Variants in RELN observed in about 807,000 individuals in gnomAD.
RELN encodes reelin.
Under a neutral mutation model 427.6 loss-of-function variants are expected in RELN, and 108 were observed. The ratio of observed to expected loss-of-function variants is 0.25; its 90% CI spans 0.22 to 0.30. RELN has a LOEUF of 0.30. RELN is among the 10% of genes least tolerant of loss of function. The pLI is 1.00. For missense variants in RELN, 3,715 were observed against 4,302.8 expected (o/e 0.86, Z 3.82); for synonymous variants, 1,524 against 1,513.4 (o/e 1.01, Z -0.16).
chr7:103,712,064 G>T (rs4729928), intron 8 of RELN, among the ~76,000 whole-genome samples: 1,541 of 152,184 alleles, frequency 0.01, 45 homozygotes, highest in Admixed American at 0.064. Context: ...AACTTCCAAG[G>T]CTTGCTAACT....
chr7:103,861,187 T>A (rs888667829), intron 2 of RELN, among the ~76,000 whole-genome samples: 6 of 152,184 alleles, frequency 3.9e-5, no homozygotes, highest in African/African-American at 1.4e-4. Context: ...TAGAAGTTGG[T>A]GTTAAACTAC....
At chr7:103,655,223 T>A (rs1833001118) in intron 12 of RELN, among the ~76,000 whole-genome samples, 1 of 152,070 alleles carries the variant, frequency 6.6e-6, no homozygotes, top group Non-Finnish European at 1.5e-5. Flanking sequence ...TTATCCTTCA[T>A]AATAGTACCA....
intron 16 of RELN, 109 bp downstream of exon 16, chr7:103,650,165 G>T: frequency 1.3e-6 from 1 of 762,558 alleles, no homozygotes. Flanking sequence ...GGTGTTTAAT[G>T]AATTGCAAGA....
At chr7:103,575,949 C>T (rs1462788537) in intron 28 of RELN, among the ~76,000 whole-genome samples, 1 of 152,072 alleles carries the variant, frequency 6.6e-6, no homozygotes, top group African/African-American at 2.4e-5. Flanking sequence ...GTGATCTCAG[C>T]TCCCTGTAAC....
intron 57 of RELN, among the ~76,000 whole-genome samples, chr7:103,494,645 A>G (rs11979750): frequency 0.038 from 5,690 of 151,332 alleles, 165 homozygotes; most frequent in South Asian, 0.14. Context: ...TGGCCTCCCA[A>G]AGTGCTGGGA....
Position 103,776,619 on chromosome 7 carries a change from G to C in RELN, c.482C>G (p.Ala161Gly). 1.2e-6 allele frequency: 2 copies of C among 1,614,050 alleles called. No homozygotes were observed. The highest frequency in any genetic ancestry group is 1.7e-6 in the Non-Finnish European group (2 of 1,179,938). The stretch of plus-strand genomic sequence containing the variant: ...GAAAATAACCTGGCCCCGGTGTGTT[G>C]CTGTAGCCCTGGAAACAAATAGGAA... ...GTGCVNFMAT[A>G]THRGQVIFKD... The change falls in exon 4 of 65, where the codon GCA becomes GGA. Residue 161 changes from alanine to glycine, a missense_variant. Around this residue, in one of 4 missense-constraint regions of RELN, gnomAD observed 2,208 missense variants for 2,361.7 expected, o/e 0.93. Transcript: ENST00000428762.
intron 31 of RELN, among the ~76,000 whole-genome samples, chr7:103,570,940 T>C (rs1263009039): frequency 6.6e-6 from 1 of 152,190 alleles, no homozygotes; most frequent in African/African-American, 2.4e-5. Context: ...CCTAGAACAA[T>C]GTCTGGCTTA....
At chr7:103,478,503 C>T (rs376489879) in intron 63 of RELN, 109 bp from the exon 64 acceptor site, 28 of 696,868 alleles carry the variant, frequency 4.0e-5, no homozygotes, top group South Asian at 1.1e-4. Flanking sequence ...CAGGTTTAGA[C>T]GCAATATAGG....
intron 2 of RELN, among the ~76,000 whole-genome samples, chr7:103,851,838 C>T (rs973629564): frequency 6.6e-6 from 1 of 152,146 alleles, no homozygotes; most frequent in Non-Finnish European, 1.5e-5. Flanking sequence ...ATTATTCAAT[C>T]GGATATTAGC....
At position 103,522,214 on chromosome 7, in the gene RELN, A is replaced by T. The variant is rs759823122; in HGVS notation, c.7491-15T>A. ...GTTCATCACAGCTGGGTGCAGAGCA[A>T]GAGAGAGGAAAAGTCAACATCAGAC... On this transcript the variant is annotated splice_polypyrimidine_tract_variant and intron_variant, in intron 47 of 64. Transcript: ENST00000428762. 3.1e-6 allele frequency: 5 copies of T among 1,613,370 alleles called. No individual in the cohort carries two copies. In the Admixed American group the frequency reaches 8.3e-5, roughly 27 times the overall value.
chr7:103,721,585 C>T (rs150015154), intron 8 of RELN, among the ~76,000 whole-genome samples: 78 of 152,164 alleles, frequency 5.1e-4, no homozygotes, highest in African/African-American at 1.8e-3. Flanking sequence ...TACTATTCAC[C>T]AAAATAGTAA....
intron 3 of RELN, among the ~76,000 whole-genome samples, chr7:103,779,409 T>C (rs990626960): frequency 6.6e-6 from 1 of 152,136 alleles, no homozygotes; most frequent in Non-Finnish European, 1.5e-5. Flanking sequence ...TTACTGTTAT[T>C]CTAACAACTA....
At chr7:103,587,574 A>G (rs1831306109) in intron 28 of RELN, among the ~76,000 whole-genome samples, 1 of 152,206 alleles carries the variant, frequency 6.6e-6, no homozygotes. Context: ...TAAATAACCT[A>G]CAGAGTAAAG....
chr7:103,651,590 G>A lies in RELN; in HGVS notation c.1892+71C>T, dbSNP rs934328234. 3 of 1,481,842 alleles carry A rather than the reference G, an allele frequency of 2.0e-6. No individual in the cohort carries two copies. In the African/African-American group the frequency reaches 4.2e-5, roughly 21 times the overall value. The allele number at this position is 1,481,842 out of a possible 1,614,324, so 91.8% of individuals were successfully genotyped here. A position where few individuals can be genotyped will look rare whatever the true frequency, so the allele number is the denominator to read the frequency against. ...TATTATGACAAAAATGCTAATTTCAGGATAACTCATTGATTTTTATTCTGC... is the reference window on the plus strand; with the variant it reads ...TATTATGACAAAAATGCTAATTTCAAGATAACTCATTGATTTTTATTCTGC... On this transcript the variant is annotated intron_variant, in intron 15 of 64. Coordinates refer to ENST00000428762, the MANE Select transcript of RELN (RefSeq NM_005045.4).
At chr7:103,651,093 C>A (rs1314180447) in intron 15 of RELN, among the ~76,000 whole-genome samples, 2 of 152,082 alleles carry the variant, frequency 1.3e-5, no homozygotes, top group African/African-American at 2.4e-5. Flanking sequence ...GCCCTACACA[C>A]ATTTAAAAGG....
intron 3 of RELN, among the ~76,000 whole-genome samples, chr7:103,816,807 C>CA (rs1792883410): frequency 6.6e-6 from 1 of 152,002 alleles, no homozygotes; most frequent in African/African-American, 2.4e-5. Flanking sequence ...TGATAACTCA[C>CA]AGACTATCAT....
chr7:103,968,901 C>A lies in RELN; in HGVS notation c.226+20230G>T, dbSNP rs1414205400. 1.3e-5 allele frequency among the ~76,000 whole-genome samples: 2 copies of A among 151,988 alleles called. No homozygotes were observed. Among genetic ancestry groups the A allele is most frequent in the Non-Finnish European group, 2.9e-5 (2 of 67,988 alleles). ...GGAAATATAACAAGCCAGTAAGTACCAGATTTAATTAAAATTTCAGAATCA... is the reference window on the plus strand; with the variant it reads ...GGAAATATAACAAGCCAGTAAGTACAAGATTTAATTAAAATTTCAGAATCA... On this transcript the variant is annotated intron_variant, in intron 1 of 64. Transcript: ENST00000428762. The surrounding 1 kb of genome is among the most constrained non-coding windows in gnomAD (Gnocchi z 4.3).
intron 2 of RELN, among the ~76,000 whole-genome samples, chr7:103,834,254 G>C (rs188938967): frequency 9.2e-5 from 14 of 152,262 alleles, no homozygotes; most frequent in Admixed American, 9.2e-4. Flanking sequence ...GAGACATGAG[G>C]GATGGGGTGA....
chr7:103,675,147 C>A (rs1833488040), intron 11 of RELN, among the ~76,000 whole-genome samples: 1 of 152,212 alleles, frequency 6.6e-6, no homozygotes, highest in Non-Finnish European at 1.5e-5. Flanking sequence ...CCCACTGTCT[C>A]AGCCCAAAAT....
Sources: gnomAD v4.1 joint callset for allele counts (sites outside exome capture counted in the v4.1 genomes callset) on GRCh38, gnomAD v4.1.1 for gene constraint, gnomAD v4.1.1 regional missense constraint, Gnocchi (gnomAD v3.1) non-coding constraint, MANE v1.5 for transcripts, NCBI Gene and HGNC (gene_info 2026-07-23, HGNC 2026-07-21) for gene names.